OTOL1: variants seen among roughly 807,000 people sequenced by gnomAD.
OTOL1 encodes the protein otolin-1.
OTOL1 carries 31 observed loss-of-function variants against 25.0 expected under a neutral mutation model. That is an observed-to-expected ratio of 1.24 (90% CI 0.93 to 1.67). OTOL1 has a LOEUF of 1.67. Among genes scored for constraint, OTOL1 ranks in the 40% most tolerant of loss-of-function variants. The probability of loss-of-function intolerance (pLI) is 0.00; values close to 1 mark genes in which losing one functional copy is unlikely to be tolerated. For synonymous variants in OTOL1, 225 were observed against 210.3 expected (o/e 1.07, Z -0.61); for missense variants, 654 against 587.7 (o/e 1.11, Z -1.17).
Position 161,497,126 on chromosome 3 carries a change from C to T in OTOL1, c.319C>T (p.Pro107Ser). 6.2e-7 allele frequency: 1 copy of T among 1,613,484 alleles called. No homozygotes were observed. Among genetic ancestry groups the T allele is most frequent in the Non-Finnish European group, 8.5e-7 (1 of 1,179,552 alleles). The change falls in exon 1 of 4, where the codon CCT (proline) becomes TCT (serine). Residue 107 changes from proline to serine, a missense_variant. Physicochemically the swap from Pro to Ser is moderately conservative, Grantham distance 74. Transcript: ENST00000327928. ...TTTGAATTGTTGTGATTGTTGTTCA[C>T]CTGTACCCGGGCAGAAAGGAGAACC... ...FFLNCCDCCS[P>S]VPGQKGEPGE...
chr3:161,498,315 G>A (rs1718884846), intron 1 of OTOL1, among the ~76,000 whole-genome samples: 1 of 152,136 alleles, frequency 6.6e-6, no homozygotes, highest in Non-Finnish European at 1.5e-5. Flanking sequence ...GGATTTAGCT[G>A]TGCTGTTCTC....
At position 161,503,063 on chromosome 3, in the gene OTOL1, T is replaced by G; in HGVS notation, c.555T>G (p.Gly185=). The change falls in exon 4 of 4, where the codon GGT becomes GGG. Residue 185 remains glycine, a synonymous_variant. Coordinates refer to ENST00000327928, the MANE Select transcript of OTOL1 (RefSeq NM_001080440.1). ...PGPKGDKGNI[G]LGGVKGQKGS... is the part of the protein sequence containing the mutation. ...CTAAGGGAGATAAAGGAAACATTGG[T>G]TTGGGAGGAGTGAAAGGACAAAAAG... 1 of 1,380,860 alleles carries G rather than the reference T, an allele frequency of 7.2e-7. No homozygotes were observed. The highest frequency in any genetic ancestry group is 9.4e-7 in the Non-Finnish European group (1 of 1,063,480). The allele number at this position is 1,380,860 out of a possible 1,614,324, so 85.5% of individuals were successfully genotyped here.
At chr3:161,499,430 A>G (rs41386047) in intron 2 of OTOL1, among the ~76,000 whole-genome samples, 170 bp downstream of exon 2, 36,811 of 152,152 alleles carry the variant, frequency 0.24, 5,581 homozygotes, top group Non-Finnish European at 0.33. Flanking sequence ...TAAACAGCCA[A>G]TTGAGAAATT....
chr3:161,502,391 C>T (rs1718994674), intron 3 of OTOL1, 22 bp downstream of exon 3: 3 of 1,602,234 alleles, frequency 1.9e-6, no homozygotes, highest in African/African-American at 1.3e-5. Flanking sequence ...AATGTATCTA[C>T]TGTGTACAGT....
At chr3:161,502,154 C>T (rs1017103572) in intron 2 of OTOL1, among the ~76,000 whole-genome samples, 153 bp from the exon 3 acceptor site, 10 of 152,206 alleles carry the variant, frequency 6.6e-5, no homozygotes, top group African/African-American at 2.2e-4. Flanking sequence ...AGGAGTGAGC[C>T]GCCGTGCCTG....
rs1229312019 is a variant in OTOL1, at chr3:161,503,619, G to A, written c.1111G>A (p.Gly371Arg). The change falls in exon 4 of 4, where the codon GGG becomes AGG. Residue 371 changes from glycine to arginine, a missense_variant. By Grantham distance (125) the Gly-to-Arg change is moderately radical (BLOSUM62 -2). Coordinates refer to ENST00000327928, the MANE Select transcript of OTOL1 (RefSeq NM_001080440.1). ...KFEKILYNDQ[G>R]NYSPVTGKFN... ...TGAAAAGATTCTCTATAATGACCAA[G>A]GGAATTACAGTCCTGTCACTGGGAA... The A allele has an allele frequency of 1.9e-6, 3 of 1,613,802 alleles. No individual in the cohort carries two copies. The highest frequency in any genetic ancestry group is 2.7e-5 in the African/African-American group (2 of 75,010).
chr3:161,498,842 A>G (rs192412368), intron 1 of OTOL1, among the ~76,000 whole-genome samples: 2 of 152,252 alleles, frequency 1.3e-5, no homozygotes, highest in African/African-American at 4.8e-5. Context: ...TTTTACTTCC[A>G]ATGTGAAAGT....
At position 161,503,714 on chromosome 3, in the gene OTOL1, A is replaced by T. The variant is rs750301462; in HGVS notation, c.1206A>T (p.Arg402=). 5.0e-6 allele frequency: 8 copies of T among 1,613,646 alleles called. No individual in the cohort carries two copies. The highest frequency in any genetic ancestry group is 5.1e-6 in the Non-Finnish European group (6 of 1,179,790). ...YHITVRGRPA[R]ISLVAQNKKQ... is the part of the protein sequence containing the mutation. ...TTACGGTGAGGGGGCGACCTGCTCG[A>T]ATCAGTCTGGTGGCCCAGAATAAGA... Residue 402 remains arginine (R), a synonymous_variant, in exon 4 of 4, where the codon CGA becomes CGT. Coordinates refer to ENST00000327928, the MANE Select transcript of OTOL1 (RefSeq NM_001080440.1).
At position 161,497,104 on chromosome 3, in the gene OTOL1, G is replaced by A. The variant is rs1317844938; in HGVS notation, c.297G>A (p.Leu99=). The A allele has an allele frequency of 1.2e-6, 2 of 1,613,510 alleles. No homozygotes were observed. Among genetic ancestry groups the A allele is most frequent in the South Asian group, 2.2e-5 (2 of 91,068 alleles). The change falls in exon 1 of 4, where the codon TTG becomes TTA. Residue 99 remains leucine, a synonymous_variant. Coordinates refer to ENST00000327928, the MANE Select transcript of OTOL1 (RefSeq NM_001080440.1). ...NFTLDPADFF[L]NCCDCCSPVP... ...CTCTTGACCCAGCTGATTTCTTTTT[G>A]AATTGTTGTGATTGTTGTTCACCTG...
intron 1 of OTOL1, 54 bp from the exon 2 acceptor site, chr3:161,499,117 T>C (rs1718908866): frequency 7.3e-7 from 1 of 1,378,666 alleles, no homozygotes; most frequent in Admixed American, 2.0e-5. Context: ...CCTGAACTAA[T>C]GAACTTTAAA....
chr3:161,502,639 A>G (rs1051296989), intron 3 of OTOL1, among the ~76,000 whole-genome samples: 1 of 152,196 alleles, frequency 6.6e-6, no homozygotes, highest in Admixed American at 6.5e-5. Context: ...TTCCTTGCCA[A>G]TAATAATTTA....
rs190560932 is a variant in OTOL1 at position 161,503,693 on chromosome 3, G to A, written c.1185G>A (p.Thr395=). The A allele has an allele frequency of 9.3e-6, 15 of 1,613,652 alleles. No individual in the cohort carries two copies. In the African/African-American group the frequency reaches 9.3e-5, roughly 10 times the overall value. Residue 395 remains threonine (T), a synonymous_variant, in exon 4 of 4, where the codon ACG becomes ACA. Coordinates refer to ENST00000327928, the MANE Select transcript of OTOL1 (RefSeq NM_001080440.1). ...CATATGTTTTTTCCTACCATATTACGGTGAGGGGGCGACCTGCTCGAATCA... is the reference window on the plus strand; with the variant it reads ...CATATGTTTTTTCCTACCATATTACAGTGAGGGGGCGACCTGCTCGAATCA... ...PGTYVFSYHI[T]VRGRPARISL...
Position 161,499,168 on chromosome 3 carries a change from T to C in OTOL1, c.365-3T>C, listed in dbSNP as rs1718910905. On this transcript the variant is annotated splice_polypyrimidine_tract_variant and splice_region_variant and intron_variant, in intron 1 of 3. Coordinates refer to ENST00000327928, the MANE Select transcript of OTOL1 (RefSeq NM_001080440.1). ...TCTGATGTATTTAAAATCCCATTTC[T>C]AGGTCCTAAAGGAGAGGCTGGAAAT... 1.2e-6 allele frequency: 2 copies of C among 1,604,296 alleles called. No homozygotes were observed. Among genetic ancestry groups the C allele is most frequent in the Non-Finnish European group, 1.7e-6 (2 of 1,174,620 alleles).
At chr3:161,500,218 A>G (rs9813997) in intron 2 of OTOL1, among the ~76,000 whole-genome samples, 36,790 of 152,044 alleles carry the variant, frequency 0.24, 5,573 homozygotes, top group Non-Finnish European at 0.33. Flanking sequence ...CAGTGAAGTA[A>G]TTACTCAAAA....
chr3:161,499,297 T>C, intron 2 of OTOL1, 37 bp downstream of exon 2: 2 of 1,485,718 alleles, frequency 1.3e-6, no homozygotes, highest in Non-Finnish European at 9.1e-7. Flanking sequence ...CAAGGGACAT[T>C]CTGCATCATT....
Position 161,502,504 on chromosome 3 carries a change from T to C in OTOL1, c.517+135T>C, listed in dbSNP as rs1003371976. ...TACTGTTATTCTTCTAATAATTCAG[T>C]GTACTGACTCAGTGAAGGAGAACCA... On this transcript the variant is annotated intron_variant, in intron 3 of 3. Coordinates refer to ENST00000327928, the MANE Select transcript of OTOL1 (RefSeq NM_001080440.1). The C allele has an allele frequency of 3.0e-5, 23 of 776,964 alleles. No homozygotes were observed. The South Asian group carries it at 4.2e-4, about 14-fold the overall frequency. 48.1% of individuals were successfully genotyped at this position (776,964 alleles called of 1,614,324 possible).
intron 1 of OTOL1, 42 bp downstream of exon 1, chr3:161,497,213 T>C (rs1560141936): frequency 6.4e-7 from 1 of 1,559,372 alleles, no homozygotes; most frequent in Non-Finnish European, 8.7e-7. Context: ...ACTTGTACAT[T>C]GGTAGAGTTG....
rs1477974392 is a variant in OTOL1 at position 161,503,302 on chromosome 3, A to C, written c.794A>C (p.Lys265Thr). 2 of 1,520,608 alleles carry C rather than the reference A, an allele frequency of 1.3e-6. No homozygotes were observed. Among genetic ancestry groups the C allele is most frequent in the South Asian group, 1.3e-5 (1 of 77,316 alleles). The allele number at this position is 1,520,608 out of a possible 1,614,324, so 94.2% of individuals were successfully genotyped here. ...GGTGAGGGGGGTATGAAAGGGGAAA[A>C]AGGTAGCAAAGGAGACAGTGGAATG... ...QKGEGGMKGE[K>T]GSKGDSGMEG... The change falls in exon 4 of 4, where the codon AAA becomes ACA. Residue 265 changes from lysine (K) to threonine (T), a missense_variant. Coordinates refer to ENST00000327928, the MANE Select transcript of OTOL1 (RefSeq NM_001080440.1).
intron 3 of OTOL1, 81 bp from the exon 4 acceptor site, chr3:161,502,945 T>C: frequency 8.9e-7 from 1 of 1,124,464 alleles, no homozygotes; most frequent in Non-Finnish European, 1.2e-6. Context: ...GGTTTGTTTC[T>C]ACTTTTTTGA....
Sources: allele counts gnomAD v4.1 joint callset (sites outside exome capture counted in the v4.1 genomes callset), GRCh38; gene constraint gnomAD v4.1.1; transcripts MANE v1.5; gene names NCBI Gene and HGNC (gene_info 2026-07-23, HGNC 2026-07-21).